Variants in SLC38A11 observed in about 807,000 individuals in gnomAD.
SLC38A11 encodes putative sodium-coupled neutral amino acid transporter 11.
Under a neutral mutation model 49.4 loss-of-function variants are expected in SLC38A11, and 51 were observed. The ratio of observed to expected loss-of-function variants is 1.03; its 90% CI spans 0.83 to 1.30. SLC38A11 has a LOEUF of 1.30. Among genes scored for constraint, SLC38A11 ranks in the 50% most tolerant of loss-of-function variants. The pLI is 0.00. For missense variants in SLC38A11, 574 were observed against 556.2 expected (o/e 1.03, Z -0.32); for synonymous variants, 203 against 192.9 (o/e 1.05, Z -0.43).
intron 11 of SLC38A11, among the ~76,000 whole-genome samples, chr2:164,903,959 T>A (rs1179300920): frequency 6.6e-6 from 1 of 152,194 alleles, no homozygotes; most frequent in Non-Finnish European, 1.5e-5. Context: ...ATACATCTTT[T>A]AAATTTCTAC....
At chr2:164,944,119 G>A (rs942707738) in intron 5 of SLC38A11, among the ~76,000 whole-genome samples, 7 of 152,168 alleles carry the variant, frequency 4.6e-5, no homozygotes, top group African/African-American at 1.7e-4. Context: ...GCCTCCCAAA[G>A]TGCTGGGATT....
chr2:164,920,204 G>A (rs1445037058), intron 7 of SLC38A11, among the ~76,000 whole-genome samples: 9 of 151,612 alleles, frequency 5.9e-5, no homozygotes, highest in African/African-American at 9.7e-5. Flanking sequence ...AACCTGGGGG[G>A]TGGAGGTTGC....
At chr2:164,946,893 T>C (rs137908936) in intron 3 of SLC38A11, among the ~76,000 whole-genome samples, 2,882 of 152,244 alleles carry the variant, frequency 0.019, 248 homozygotes, top group Admixed American at 0.16. Context: ...TCCAAGTTGA[T>C]AAATCCAGTT....
chr2:164,919,472 T>G (rs1686028264), intron 7 of SLC38A11, among the ~76,000 whole-genome samples: 1 of 152,018 alleles, frequency 6.6e-6, no homozygotes, highest in Admixed American at 6.6e-5. Flanking sequence ...TATGATAAAA[T>G]TATTTATATA....
chr2:164,945,584 T>G lies in SLC38A11; in HGVS notation c.364+9A>C. On this transcript the variant is annotated intron_variant, in intron 4 of 11. Coordinates refer to ENST00000685975, the MANE Select transcript of SLC38A11 (RefSeq NM_001351537.2). ...ATAATTGCAATATTTATCTTCACAG[T>G]CAACTTACCTATAAAAGGATACAAA... The G allele has an allele frequency of 6.3e-7, 1 of 1,580,064 alleles. No homozygotes were observed. The highest frequency in any genetic ancestry group is 8.5e-7 in the Non-Finnish European group (1 of 1,170,746).
At chr2:164,940,406 C>T (rs559352481) in intron 5 of SLC38A11, among the ~76,000 whole-genome samples, 2 of 150,970 alleles carry the variant, frequency 1.3e-5, no homozygotes, top group South Asian at 2.1e-4. Context: ...TCAATGAAGA[C>T]GCTATTGTTT....
chr2:164,918,423 T>C (rs966834385), intron 7 of SLC38A11, among the ~76,000 whole-genome samples: 1 of 152,132 alleles, frequency 6.6e-6, no homozygotes, highest in African/African-American at 2.4e-5. Flanking sequence ...TAGAAAAGCA[T>C]ACAACTCAGT....
chr2:164,953,062 C>T, intron 2 of SLC38A11: 1 of 354,542 alleles, frequency 2.8e-6, no homozygotes, highest in Non-Finnish European at 5.1e-6. Context: ...TGCCAGTTCA[C>T]ACAAATAACG....
intron 7 of SLC38A11, among the ~76,000 whole-genome samples, chr2:164,917,209 C>T (rs1034614966): frequency 2.9e-4 from 44 of 152,024 alleles, no homozygotes; most frequent in African/African-American, 1.0e-3. Flanking sequence ...CATGAAAAGG[C>T]GCTGGGTATT....
chr2:164,955,389 C>G lies in SLC38A11; in HGVS notation c.-142G>C. The G allele has an allele frequency of 2.6e-6, 2 of 758,682 alleles. No homozygotes were observed. Among genetic ancestry groups the G allele is most frequent in the Non-Finnish European group, 4.4e-6 (2 of 458,910 alleles). The allele number at this position is 758,682 out of a possible 1,614,324, so 47.0% of individuals were successfully genotyped here. A position where few individuals can be genotyped will look rare whatever the true frequency, so the allele number is the denominator to read the frequency against. Reference sequence around the variant, plus strand: ...GCAGGGAGCCAGTTCCACGGGCGCCCCCTGCTCCCTCGGCAGGCCGCGAGG... The same window carrying G: ...GCAGGGAGCCAGTTCCACGGGCGCCGCCTGCTCCCTCGGCAGGCCGCGAGG... On this transcript the variant is annotated 5_prime_UTR_variant, in exon 1 of 12. Coordinates refer to ENST00000685975, the MANE Select transcript of SLC38A11 (RefSeq NM_001351537.2).
chr2:164,946,482 C>G (rs1388511118), intron 3 of SLC38A11, among the ~76,000 whole-genome samples: 1 of 150,286 alleles, frequency 6.7e-6, no homozygotes, highest in African/African-American at 2.5e-5. Flanking sequence ...AGGAGAATCG[C>G]TCAAATCCAG....
intron 7 of SLC38A11, among the ~76,000 whole-genome samples, chr2:164,919,899 C>G (rs11895462): frequency 0.068 from 10,424 of 152,190 alleles, 390 homozygotes; most frequent in Admixed American, 0.1. Flanking sequence ...GTACTCCCCC[C>G]TTATCTATAG....
rs763334785 is a variant in SLC38A11, at chr2:164,898,661, G to A, written c.1165C>T (p.Pro389Ser). ...ATAATCTTATCGGAGTGTGTCCTTG[G>A]TTCTTCAGACAGTTTCAGATAACAG... Reference protein sequence around the residue: ...SACYLKLSEEPRTHSDKIMSC... With the variant: ...SACYLKLSEESRTHSDKIMSC... The change falls in exon 12 of 12, where the codon CCA becomes TCA. Residue 389 changes from proline to serine, a missense_variant. Coordinates refer to ENST00000685975, the MANE Select transcript of SLC38A11 (RefSeq NM_001351537.2). The A allele has an allele frequency of 1.9e-6, 3 of 1,613,358 alleles. No homozygotes were observed. The highest frequency in any genetic ancestry group is 2.2e-5 in the East Asian group (1 of 44,842).
intron 7 of SLC38A11, among the ~76,000 whole-genome samples, chr2:164,927,413 A>T (rs902454322): frequency 3.9e-5 from 6 of 152,218 alleles, no homozygotes; most frequent in African/African-American, 7.2e-5. Context: ...TAATATGGAG[A>T]TATGACACTT....
rs60527900 is a variant in SLC38A11, at chr2:164,907,270, C to CTTTTTTTTTT, written c.1095+1360_1095+1369dup. Reference sequence around the variant, plus strand: ...TCCATTTCCCTCTGTCTTCTTTTCTCTTTTTTTTTTTTTTTTTTTTTGAGA... The same window carrying CTTTTTTTTTT: ...TCCATTTCCCTCTGTCTTCTTTTCTCTTTTTTTTTTTTTTTTTTTTTTTTTTTTTTTGAGA... On this transcript the variant is annotated intron_variant, in intron 11 of 11. Transcript: ENST00000685975. 5.7e-4 allele frequency among the ~76,000 whole-genome samples: 56 copies of CTTTTTTTTTT among 97,908 alleles called. 2 individuals carry two copies. Among genetic ancestry groups the CTTTTTTTTTT allele is most frequent in the African/African-American group, 1.6e-3 (42 of 25,896 alleles). 64.2% of individuals were successfully genotyped at this position (97,908 alleles called of 152,430 possible). A position where few individuals can be genotyped will look rare whatever the true frequency, so the allele number is the denominator to read the frequency against.
rs569589204 is a variant in SLC38A11, at chr2:164,915,293, A to G, written c.689-20T>C. 2 of 1,574,828 alleles carry G rather than the reference A, an allele frequency of 1.3e-6. No individual in the cohort carries two copies. The highest frequency in any genetic ancestry group is 1.7e-6 in the Non-Finnish European group (2 of 1,166,044). ...TAAATGCTGCAATACAAAAAAAAAGAGCATTATTAAATCAAGCACCAGGGT... is the reference window on the plus strand; with the variant it reads ...TAAATGCTGCAATACAAAAAAAAAGGGCATTATTAAATCAAGCACCAGGGT... On this transcript the variant is annotated intron_variant, in intron 8 of 11. Coordinates refer to ENST00000685975, the MANE Select transcript of SLC38A11 (RefSeq NM_001351537.2).
chr2:164,949,480 A>C (rs2105517583), intron 3 of SLC38A11, among the ~76,000 whole-genome samples: 1 of 152,300 alleles, frequency 6.6e-6, no homozygotes, highest in Non-Finnish European at 1.5e-5. Flanking sequence ...CTGGTCTCGA[A>C]TTTCTGACCT....
At chr2:164,946,844 A>G (rs1374992922) in intron 3 of SLC38A11, among the ~76,000 whole-genome samples, 2 of 152,122 alleles carry the variant, frequency 1.3e-5, no homozygotes, top group African/African-American at 4.8e-5. Flanking sequence ...CCTGATTCCC[A>G]TATCAGTGAA....
chr2:164,898,575 A>G lies in SLC38A11; in HGVS notation c.1251T>C (p.Ile417=), dbSNP rs752035762. 16 of 1,613,668 alleles carry G rather than the reference A, an allele frequency of 9.9e-6. No individual in the cohort carries two copies. Among genetic ancestry groups the G allele is most frequent in the Non-Finnish European group, 9.3e-6 (11 of 1,179,750 alleles). ...VVMVFGFVMA[I]TNTQDCTHGQ... is the part of the protein sequence containing the mutation. ...CATGGGTGCAGTCTTGAGTATTTGT[A>G]ATAGCCATGACGAATCCAAAAACCA... is the stretch of plus-strand genomic sequence containing the variant. The change falls in exon 12 of 12, where the codon ATT becomes ATC. Residue 417 remains isoleucine, a synonymous_variant. Coordinates refer to ENST00000685975, the MANE Select transcript of SLC38A11 (RefSeq NM_001351537.2).
Sources: allele counts gnomAD v4.1 joint callset (sites outside exome capture counted in the v4.1 genomes callset), GRCh38; gene constraint gnomAD v4.1.1; transcripts MANE v1.5; gene names NCBI Gene and HGNC (gene_info 2026-07-23, HGNC 2026-07-21).